The following UTP20 variants were observed in gnomAD, a reference collection of about 807,000 sequenced individuals.
The protein encoded by UTP20 is small subunit processome component 20 homolog.
A neutral mutation model predicts 329.5 loss-of-function variants in UTP20; 164 were observed. The ratio of observed to expected loss-of-function variants is 0.50; its 90% confidence interval spans 0.44 to 0.57. UTP20 has a LOEUF of 0.57. UTP20 is among the 20% of genes least tolerant of loss of function. The pLI, the probability that UTP20 is intolerant of heterozygous loss-of-function variation, is 0.00. For missense variants in UTP20, 3,055 were observed against 3,284.2 expected (o/e 0.93, Z 1.71); for synonymous variants, 1,151 against 1,159.3 (o/e 0.99, Z 0.14).
In UTP20 at chr12:101,319,521, ACT is replaced by A. The variant is rs1393269280; in HGVS notation, c.2739-19_2739-18del. ...GATCTCAATTCTTTAATTCTGTAAC[ACT>A]CTCTGTTTTGTTTTTGTTTAGGCAA... On this transcript the variant is annotated intron_variant, in intron 22 of 61. Coordinates refer to ENST00000261637, the MANE Select transcript of UTP20 (RefSeq NM_014503.3). 6.5e-6 allele frequency: 10 copies of A among 1,549,540 alleles called. No individual in the cohort carries two copies. In the African/African-American group the frequency reaches 1.2e-4, roughly 19 times the overall value.
chr12:101,300,118 T>C, intron 14 of UTP20, 57 bp downstream of exon 14: 1 of 1,484,722 alleles, frequency 6.7e-7, no homozygotes, highest in South Asian at 1.1e-5. Flanking sequence ...CTCAAAGTAA[T>C]TGTAAACACA....
intron 26 of UTP20, among the ~76,000 whole-genome samples, chr12:101,329,030 G>A (rs549802817): frequency 7.2e-5 from 11 of 151,994 alleles, no homozygotes; most frequent in Admixed American, 5.2e-4. Flanking sequence ...TCTAAAGTGG[G>A]GGTAGTTAAA....
intron 21 of UTP20, among the ~76,000 whole-genome samples, chr12:101,314,288 A>C (rs868359467): frequency 1.3e-5 from 2 of 152,314 alleles, no homozygotes; most frequent in African/African-American, 2.4e-5. Flanking sequence ...CTTTGGAGTG[A>C]CCTTAGTCAG....
intron 46 of UTP20, among the ~76,000 whole-genome samples, chr12:101,366,163 C>T (rs992088864): frequency 1.6e-4 from 25 of 151,896 alleles, no homozygotes; most frequent in African/African-American, 4.6e-4. Flanking sequence ...ACCCGGGAGG[C>T]GGAGGTTGGA....
chr12:101,358,821 A>G (rs1869812110), intron 43 of UTP20, among the ~76,000 whole-genome samples: 1 of 152,212 alleles, frequency 6.6e-6, no homozygotes, highest in South Asian at 2.1e-4. Context: ...ATAGAAACCC[A>G]ACCATCACAC....
intron 46 of UTP20, 34 bp downstream of exon 46, chr12:101,365,659 T>G (rs1295595524): frequency 1.3e-6 from 2 of 1,509,168 alleles, no homozygotes; most frequent in Non-Finnish European, 1.8e-6. Context: ...GTCATTTAGG[T>G]CTCTGCGTCT....
intron 2 of UTP20, among the ~76,000 whole-genome samples, chr12:101,284,765 C>T (rs1871906796): frequency 6.6e-6 from 1 of 152,126 alleles, no homozygotes. Flanking sequence ...TATCTCACTC[C>T]TCCCACCCCT....
intron 31 of UTP20, 52 bp downstream of exon 31, chr12:101,339,009 C>G: frequency 6.6e-7 from 1 of 1,520,472 alleles, no homozygotes; most frequent in South Asian, 1.3e-5. Context: ...TTGGTTTTAA[C>G]TTTTTAAAAA....
intron 51 of UTP20, 86 bp downstream of exon 51, chr12:101,371,254 A>G: frequency 1.0e-6 from 1 of 953,300 alleles, no homozygotes; most frequent in Admixed American, 2.6e-5. Context: ...CTGAATTCTG[A>G]AGACCACCTT....
At chr12:101,346,384 T>C (rs1411521197) in intron 37 of UTP20, 67 bp from the exon 38 acceptor site, 52 of 1,498,460 alleles carry the variant, frequency 3.5e-5, no homozygotes, top group Non-Finnish European at 4.1e-5. Context: ...GAGAATACGA[T>C]ACTAAAATGG....
rs1208216424 is a variant in UTP20, at chr12:101,373,456, G to A, written c.6934G>A (p.Asp2312Asn). Residue 2312 changes from aspartate (D) to asparagine (N), a missense_variant, in exon 53 of 62, where the codon GAC (aspartate) becomes AAC (asparagine). Transcript: ENST00000261637. ...CTTGGAAATGATCGCCTATCTCTTT[G>A]ACACGTTCCCTCAGGTACTGTGACC... ...STLEMIAYLF[D>N]TFPQGLLHEN... The A allele has an allele frequency of 1.9e-6, 3 of 1,613,996 alleles. No individual in the cohort carries two copies. In the African/African-American group the frequency reaches 4.0e-5, roughly 22 times the overall value.
intron 5 of UTP20, among the ~76,000 whole-genome samples, 183 bp downstream of exon 5, chr12:101,286,692 C>G (rs1565783901): frequency 6.6e-6 from 1 of 151,878 alleles, no homozygotes; most frequent in African/African-American, 2.4e-5. Flanking sequence ...CATCTCTCCT[C>G]TCCAGCTACT....
In UTP20 at chr12:101,317,473, G is replaced by T; in HGVS notation, c.2553-5G>T. 1 of 1,613,148 alleles carries T rather than the reference G, an allele frequency of 6.2e-7. No individual in the cohort carries two copies. Among genetic ancestry groups the T allele is most frequent in the Non-Finnish European group, 8.5e-7 (1 of 1,179,536 alleles). On this transcript the variant is annotated splice_polypyrimidine_tract_variant and splice_region_variant and intron_variant, in intron 21 of 61. Transcript: ENST00000261637. ...CAGTATCCTGTGACTTTCTTTCCAC[G>T]GTAGCAATGAGTATTACCCAGCAGA...
chr12:101,295,413 T>C, intron 11 of UTP20, 67 bp from the exon 12 acceptor site: 1 of 1,403,958 alleles, frequency 7.1e-7, no homozygotes, highest in South Asian at 1.5e-5. Flanking sequence ...TCTAGTTTTT[T>C]GAATTGTTAG....
chr12:101,310,577 C>CAAAAAAAAAAAAAAAAAAAA lies in UTP20; in HGVS notation c.2231+740_2231+759dup, dbSNP rs549641642. 4.3e-4 allele frequency among the ~76,000 whole-genome samples: 19 copies of CAAAAAAAAAAAAAAAAAAAA among 44,360 alleles called. 1 individual carries two copies. Among genetic ancestry groups the CAAAAAAAAAAAAAAAAAAAA allele is most frequent in the African/African-American group, 9.8e-4 (9 of 9,138 alleles). 29.1% of individuals were successfully genotyped at this position (44,360 alleles called of 152,430 possible). ...GCAACAAGAGTGAAACTCTGTCTCC[C>CAAAAAAAAAAAAAAAAAAAA]AAAAAAAAAAAAAAAAAAAAATACA... On this transcript the variant is annotated intron_variant, in intron 19 of 61. Coordinates refer to ENST00000261637, the MANE Select transcript of UTP20 (RefSeq NM_014503.3).
chr12:101,385,500 G>A, intron 60 of UTP20, 83 bp from the exon 61 acceptor site: 1 of 1,471,756 alleles, frequency 6.8e-7, no homozygotes, highest in Non-Finnish European at 9.2e-7. Context: ...GGATATAAAT[G>A]TTGTACATAT....
chr12:101,299,125 ATAGT>A lies in UTP20; in HGVS notation c.1431-553_1431-550del, dbSNP rs541465320. Among the ~76,000 whole-genome samples, 8 of 152,334 alleles carry A rather than the reference ATAGT, an allele frequency of 5.3e-5. No individual in the cohort carries two copies. In the South Asian group the frequency reaches 1.2e-3, roughly 24 times the overall value. ...CAAAAATAAAAAGAGGCTAACAAGA[ATAGT>A]TAGCCTCTATCTAATCTGTGACCAG... On this transcript the variant is annotated intron_variant, in intron 12 of 61. Coordinates refer to ENST00000261637, the MANE Select transcript of UTP20 (RefSeq NM_014503.3).
intron 56 of UTP20, among the ~76,000 whole-genome samples, chr12:101,377,773 A>G (rs1870523887): frequency 6.6e-6 from 1 of 152,208 alleles, no homozygotes; most frequent in Non-Finnish European, 1.5e-5. Context: ...TTTTTAGACC[A>G]TTAGTGTAGT....
At chr12:101,352,357 C>T (rs1203011219) in intron 39 of UTP20, among the ~76,000 whole-genome samples, 163 bp downstream of exon 39, 1 of 152,108 alleles carries the variant, frequency 6.6e-6, no homozygotes, top group East Asian at 1.9e-4. Context: ...CCACAATAAA[C>T]ATACGTGTGC....
Sources: gnomAD v4.1 joint callset for allele counts (sites outside exome capture counted in the v4.1 genomes callset) on GRCh38, gnomAD v4.1.1 for gene constraint, MANE v1.5 for transcripts, NCBI Gene and HGNC (gene_info 2026-07-23, HGNC 2026-07-21) for gene names.